Variants in PXDNL observed in about 807,000 individuals in gnomAD.
The protein encoded by PXDNL is peroxidasin like.
Under a neutral mutation model 150.8 loss-of-function variants are expected in PXDNL, and 145 were observed. The observed-to-expected ratio is 0.96, with a 90% CI of 0.84 to 1.10. The LOEUF (loss-of-function observed/expected upper bound fraction) is 1.10. Ranked by LOEUF, PXDNL falls within the 50% of genes least tolerant of loss-of-function variation. The pLI is 0.00. For synonymous variants in PXDNL, 757 were observed against 725.7 expected, an observed-to-expected ratio of 1.04 and a Z score of -0.69; for missense variants, 2,087 against 1,873.9, an observed-to-expected ratio of 1.11 and a Z score of -2.10.
intron 2 of PXDNL, among the ~76,000 whole-genome samples, chr8:51,608,151 A>T (rs1813903999): frequency 6.7e-6 from 1 of 148,422 alleles, no homozygotes; most frequent in Admixed American, 6.6e-5. Flanking sequence ...GCACTTTGGG[A>T]GGCCGAGGTG....
intron 8 of PXDNL, among the ~76,000 whole-genome samples, chr8:51,461,696 T>C (rs1810087269): frequency 6.6e-6 from 1 of 152,130 alleles, no homozygotes; most frequent in Admixed American, 6.5e-5. Context: ...TTGGCTCGGG[T>C]TTCCCCTAAG....
rs374415117 is a variant in PXDNL at position 51,493,149 on chromosome 8, G to A, written c.452+6550C>T. Among the ~76,000 whole-genome samples, 5 of 152,148 alleles carry A rather than the reference G, an allele frequency of 3.3e-5. No homozygotes were observed. The East Asian group carries it at 5.8e-4, about 18-fold the overall frequency. The stretch of plus-strand genomic sequence containing the variant: ...CAATATCCACTGTTCTGCAGACTGC[G>A]CTGCTGATACCCAGGCAAACAGGAT... On this transcript the variant is annotated intron_variant, in intron 5 of 22. Transcript: ENST00000356297.
At chr8:51,597,094 T>C (rs187791323) in intron 2 of PXDNL, among the ~76,000 whole-genome samples, 5 of 152,318 alleles carry the variant, frequency 3.3e-5, no homozygotes, top group Non-Finnish European at 1.5e-5. Context: ...CAGTGAAAGG[T>C]AGGGGTCAAG....
At chr8:51,657,338 T>A (rs1815172270) in intron 1 of PXDNL, among the ~76,000 whole-genome samples, 1 of 152,218 alleles carries the variant, frequency 6.6e-6, no homozygotes, top group South Asian at 2.1e-4. Context: ...ATTTTGTGCT[T>A]TTAAATTTAC....
intron 4 of PXDNL, among the ~76,000 whole-genome samples, chr8:51,551,236 G>C (rs917137085): frequency 6.6e-6 from 1 of 152,082 alleles, no homozygotes; most frequent in Non-Finnish European, 1.5e-5. Flanking sequence ...TCAGTATTAT[G>C]AAAATGACCA....
intron 1 of PXDNL, among the ~76,000 whole-genome samples, chr8:51,662,208 T>C (rs545249123): frequency 1.3e-5 from 2 of 152,242 alleles, no homozygotes; most frequent in African/African-American, 4.8e-5. Flanking sequence ...ATCAAAAATA[T>C]TTGGAAGAAG....
intron 4 of PXDNL, among the ~76,000 whole-genome samples, chr8:51,551,175 T>A (rs1187804192): frequency 6.6e-6 from 1 of 152,092 alleles, no homozygotes; most frequent in African/African-American, 2.4e-5. Flanking sequence ...AAAGAAATCA[T>A]AGATGACACA....
intron 12 of PXDNL, among the ~76,000 whole-genome samples, chr8:51,432,954 T>A (rs1809290138): frequency 9.3e-6 from 1 of 108,068 alleles, no homozygotes; most frequent in South Asian, 3.0e-4. Context: ...ATGCCTGTAA[T>A]CCCAGCACTT....
intron 14 of PXDNL, among the ~76,000 whole-genome samples, chr8:51,415,334 G>C (rs1808766781): frequency 6.6e-6 from 1 of 152,200 alleles, no homozygotes; most frequent in Non-Finnish European, 1.5e-5. Flanking sequence ...TTGGCTTACA[G>C]TTCCTCGGGC....
At chr8:51,565,818 T>C (rs529310334) in intron 3 of PXDNL, among the ~76,000 whole-genome samples, 13 of 152,006 alleles carry the variant, frequency 8.6e-5, no homozygotes, top group Admixed American at 8.5e-4. Context: ...TCTCATTATG[T>C]ATATGCAAAT....
At position 51,809,197 on chromosome 8, in the gene PXDNL, G is replaced by A. The variant is rs559382150; in HGVS notation, c.148C>T (p.Gln50Ter). The change falls in exon 1 of 23, where the codon CAG becomes TAG. Residue 50 changes from glutamine to a stop codon, truncating the protein, a stop_gained. Coordinates refer to ENST00000356297, the MANE Select transcript of PXDNL (RefSeq NM_144651.5). LOFTEE classifies it high-confidence loss of function. ...LMLDHIPQVP[Q>*]QTTVLDLRFN... ...TGAACTTACAGAACTGTGGTCTGCT[G>A]TGGTACCTGAGGAATGTGGTCCAGC... 3.7e-6 allele frequency: 6 copies of A among 1,613,906 alleles called. No homozygotes were observed. In the South Asian group the frequency reaches 5.5e-5, roughly 15 times the overall value.
intron 17 of PXDNL, among the ~76,000 whole-genome samples, chr8:51,381,622 C>CTTTA (rs143944182): frequency 0.014 from 1,963 of 141,888 alleles, 47 homozygotes; most frequent in African/African-American, 0.046. Flanking sequence ...TGACTGGTGT[C>CTTTA]TTTATTTATT....
chr8:51,721,089 C>T (rs959165866), intron 1 of PXDNL, among the ~76,000 whole-genome samples: 3 of 152,188 alleles, frequency 2.0e-5, no homozygotes, highest in Non-Finnish European at 2.9e-5. Context: ...TGGCTGAACC[C>T]CAAGACTCAG....
At chr8:51,699,155 T>G (rs558833853) in intron 1 of PXDNL, among the ~76,000 whole-genome samples, 2 of 152,186 alleles carry the variant, frequency 1.3e-5, no homozygotes, top group African/African-American at 4.8e-5. Context: ...AGAGTCAATC[T>G]GTCCTTCGAA....
In PXDNL at chr8:51,733,789, C is replaced by T. The variant is rs964077218; in HGVS notation, c.164+75392G>A. Among the ~76,000 whole-genome samples the T allele has an allele frequency of 2.8e-5, 4 of 144,916 alleles. No individual in the cohort carries two copies. The South Asian group carries it at 6.5e-4, about 24-fold the overall frequency. On this transcript the variant is annotated intron_variant, in intron 1 of 22. Transcript: ENST00000356297. Reference sequence around the variant, plus strand: ...TGCCACTGCACTCCAGCCTGGGTGACACAGCAAGACTCTGTCTCAAATAAT... The same window carrying T: ...TGCCACTGCACTCCAGCCTGGGTGATACAGCAAGACTCTGTCTCAAATAAT...
intron 13 of PXDNL, among the ~76,000 whole-genome samples, chr8:51,424,106 T>C (rs1208955713): frequency 6.6e-6 from 1 of 152,166 alleles, no homozygotes; most frequent in Admixed American, 6.5e-5. Context: ...CTCATGCCTA[T>C]AATCCCAGCA....
At chr8:51,346,759 T>C (rs1806174364) in intron 19 of PXDNL, among the ~76,000 whole-genome samples, 1 of 152,174 alleles carries the variant, frequency 6.6e-6, no homozygotes, top group South Asian at 2.1e-4. Flanking sequence ...TCCTGCTCCC[T>C]TTTGCCTTGG....
intron 1 of PXDNL, among the ~76,000 whole-genome samples, chr8:51,730,905 AC>A (rs1260367978): frequency 1.3e-5 from 2 of 151,898 alleles, no homozygotes. Context: ...AGAAAGACCC[AC>A]CCCCATGATT....
chr8:51,379,811 T>A (rs1334332175), intron 17 of PXDNL, among the ~76,000 whole-genome samples: 1 of 152,208 alleles, frequency 6.6e-6, no homozygotes, highest in Non-Finnish European at 1.5e-5. Context: ...CCTATATCTA[T>A]CTGGAATTGA....
Sources: gnomAD v4.1 joint callset for allele counts (sites outside exome capture counted in the v4.1 genomes callset) on GRCh38, gnomAD v4.1.1 for gene constraint, MANE v1.5 for transcripts, NCBI Gene and HGNC (gene_info 2026-07-23, HGNC 2026-07-21) for gene names.